Variants in MAP1B observed in about 807,000 individuals in gnomAD.
The protein encoded by MAP1B is microtubule-associated protein 1B.
A neutral mutation model predicts 176.1 loss-of-function variants in MAP1B; 12 were observed. The ratio of observed to expected loss-of-function variants is 0.07; its 90% confidence interval spans 0.04 to 0.11. MAP1B has a LOEUF of 0.11. Among genes scored for constraint, MAP1B ranks in the 10% least tolerant of loss-of-function variants. The pLI is 1.00. For synonymous variants in MAP1B, 1,044 were observed against 1,135.0 expected (o/e 0.92, Z 1.61); for missense variants, 2,523 against 2,990.5 (o/e 0.84, Z 3.65).
intron 2 of MAP1B, among the ~76,000 whole-genome samples, chr5:72,170,179 T>C (rs1746508345): frequency 6.6e-6 from 1 of 152,172 alleles, no homozygotes; most frequent in African/African-American, 2.4e-5. Context: ...TATGGCTCTT[T>C]AAGTTGAATG....
chr5:72,109,574 T>C (rs1012953942), intron 1 of MAP1B, among the ~76,000 whole-genome samples: 2 of 152,168 alleles, frequency 1.3e-5, no homozygotes, highest in African/African-American at 4.8e-5. Flanking sequence ...TTCATAACCA[T>C]TCGATGTGGT....
intron 2 of MAP1B, among the ~76,000 whole-genome samples, chr5:72,177,342 C>T (rs573113432): frequency 6.7e-6 from 1 of 148,622 alleles, no homozygotes; most frequent in South Asian, 2.1e-4. Flanking sequence ...TTCTCTTCCT[C>T]TCTGTTTTTC....
chr5:72,205,269 G>A lies in MAP1B; in HGVS notation c.*30G>A, dbSNP rs752921527. 3.2e-6 allele frequency: 5 copies of A among 1,575,194 alleles called. No homozygotes were observed. Among genetic ancestry groups the A allele is most frequent in the Admixed American group, 4.0e-5 (2 of 50,220 alleles). ...CAAGGCCAGCCACACCACAGGATCTGAACTTTGTTTCCAGAAATTCTTCAA... is the reference window on the plus strand; with the variant it reads ...CAAGGCCAGCCACACCACAGGATCTAAACTTTGTTTCCAGAAATTCTTCAA... On this transcript the variant is annotated 3_prime_UTR_variant, in exon 7 of 7. Coordinates refer to ENST00000296755, the MANE Select transcript of MAP1B (RefSeq NM_005909.5).
At chr5:72,200,433 T>C in intron 5 of MAP1B, 66 bp downstream of exon 5, 1 of 1,548,000 alleles carries the variant, frequency 6.5e-7, no homozygotes, top group Non-Finnish European at 8.7e-7. Context: ...ACAGCCTTTA[T>C]ATTTCCCTGT....
intron 2 of MAP1B, among the ~76,000 whole-genome samples, chr5:72,161,821 G>A (rs569403125): frequency 3.3e-4 from 50 of 152,120 alleles, no homozygotes; most frequent in Admixed American, 2.0e-3. Context: ...GCCAGGCATA[G>A]TAGTGGGCGT....
chr5:72,204,347 T>G lies in MAP1B; in HGVS notation c.7251+546T>G, dbSNP rs149489823. Among the ~76,000 whole-genome samples, 396 of 152,216 alleles carry G rather than the reference T, an allele frequency of 2.6e-3. 1 individual carries two copies. The highest frequency in any genetic ancestry group is 8.9e-3 in the African/African-American group (370 of 41,546). On this transcript the variant is annotated intron_variant, in intron 6 of 6. Transcript: ENST00000296755. The surrounding 1 kb of genome is among the most constrained non-coding windows in gnomAD (Gnocchi z 4.4). ...ATCCCTTATTTATTTAATGACAGGG[T>G]CTCCCTATGTTGCCCAGGCTGGTCT...
chr5:72,138,724 T>C lies in MAP1B; in HGVS notation c.286+22925T>C, dbSNP rs192137902. Among the ~76,000 whole-genome samples, 21 of 152,340 alleles carry C rather than the reference T, an allele frequency of 1.4e-4. No homozygotes were observed. In the East Asian group the frequency reaches 4.0e-3, roughly 29 times the overall value. ...CATATCTTCGAAGAATCTTTACTGA[T>C]GTGTAATGTTGAGTGACAAGGGAAG... On this transcript the variant is annotated intron_variant, in intron 2 of 6. Coordinates refer to ENST00000296755, the MANE Select transcript of MAP1B (RefSeq NM_005909.5).
chr5:72,157,417 ATTAAC>A (rs1250246527), intron 2 of MAP1B, among the ~76,000 whole-genome samples: 22 of 152,196 alleles, frequency 1.4e-4, no homozygotes, highest in African/African-American at 5.1e-4. Context: ...CGTTGCTTTT[ATTAAC>A]TTATTTGAAA....
In MAP1B at chr5:72,199,723, T is replaced by C. The variant is rs146011303; in HGVS notation, c.6368T>C (p.Leu2123Pro). The change falls in exon 5 of 7, where the codon CTC becomes CCC. Residue 2123 changes from leucine (L) to proline (P), a missense_variant. Around this residue, in one of 4 missense-constraint regions of MAP1B, gnomAD observed 1,925 missense variants for 2,126.0 expected, o/e 0.91. Transcript: ENST00000296755. This position sits in a 1 kb window ranked among gnomAD's most constrained non-coding sequence, Gnocchi z 4.2. ...EEPTEESEKPLTQSGGAPPPP... is the reference protein window; with the variant it reads ...EEPTEESEKPPTQSGGAPPPP... ...CCCACTGAAGAATCTGAAAAGCCCC[T>C]CACTCAATCAGGGGGAGCCCCACCG... is the stretch of plus-strand genomic sequence containing the variant. 1.9e-6 allele frequency: 3 copies of C among 1,614,014 alleles called. No homozygotes were observed. Among genetic ancestry groups the C allele is most frequent in the East Asian group, 4.5e-5 (2 of 44,876 alleles).
At chr5:72,119,069 A>G (rs1745480103) in intron 2 of MAP1B, among the ~76,000 whole-genome samples, 1 of 152,204 alleles carries the variant, frequency 6.6e-6, no homozygotes, top group Non-Finnish European at 1.5e-5. Context: ...GACCACTCTG[A>G]AAGACTTAGT....
At chr5:72,193,806 G>T in intron 4 of MAP1B, 60 bp from the exon 5 acceptor site, 1 of 1,491,538 alleles carries the variant, frequency 6.7e-7, no homozygotes. Flanking sequence ...TGGAGATGAT[G>T]GATCAGTGAT....
Position 72,197,310 on chromosome 5 carries a change from G to A in MAP1B, c.3955G>A (p.Glu1319Lys), listed in dbSNP as rs148344575. 323 of 1,614,164 alleles carry A rather than the reference G, an allele frequency of 2.0e-4. 2 individuals carry two copies. In the Admixed American group the frequency reaches 5.3e-3, roughly 26 times the overall value. ...HCASPEDKTL[E>K]VVSPSQSVTG... Reference sequence around the variant, plus strand: ...TGCTAGTCCTGAGGACAAGACTCTGGAAGTGGTGTCACCATCTCAGTCCGT... The same window carrying A: ...TGCTAGTCCTGAGGACAAGACTCTGAAAGTGGTGTCACCATCTCAGTCCGT... The change falls in exon 5 of 7, where the codon GAA becomes AAA. Residue 1319 changes from glutamate to lysine, a missense_variant. By Grantham distance (56) the Glu-to-Lys change is moderately conservative (BLOSUM62 1). Coordinates refer to ENST00000296755, the MANE Select transcript of MAP1B (RefSeq NM_005909.5).
At chr5:72,136,812 G>A (rs1206223225) in intron 2 of MAP1B, among the ~76,000 whole-genome samples, 1 of 152,120 alleles carries the variant, frequency 6.6e-6, no homozygotes, top group Admixed American at 6.5e-5. Flanking sequence ...GGAAAATATT[G>A]TCCAGAGGGT....
At position 72,203,853 on chromosome 5, in the gene MAP1B, C is replaced by A. The variant is rs749532682; in HGVS notation, c.7251+52C>A. On this transcript the variant is annotated intron_variant, in intron 6 of 6. Coordinates refer to ENST00000296755, the MANE Select transcript of MAP1B (RefSeq NM_005909.5). ...CTGCCGATTGAGCTGTGTCCAGAGGCAATGGGAAGGAACCATGTTTAAAGA... is the reference window on the plus strand; with the variant it reads ...CTGCCGATTGAGCTGTGTCCAGAGGAAATGGGAAGGAACCATGTTTAAAGA... The A allele has an allele frequency of 2.6e-6, 4 of 1,543,642 alleles. No homozygotes were observed. In the African/African-American group the frequency reaches 5.4e-5, roughly 21 times the overall value.
chr5:72,154,855 T>C (rs1273698856), intron 2 of MAP1B, among the ~76,000 whole-genome samples: 1 of 152,236 alleles, frequency 6.6e-6, no homozygotes, highest in Non-Finnish European at 1.5e-5. Flanking sequence ...ATCTCTGCAC[T>C]TCTTCAGAGT....
intron 2 of MAP1B, among the ~76,000 whole-genome samples, chr5:72,153,821 C>T (rs1746184641): frequency 6.6e-6 from 1 of 152,088 alleles, no homozygotes; most frequent in Admixed American, 6.5e-5. Flanking sequence ...GTCTCCAGGT[C>T]TCAGCTGTGG....
rs774186949 is a variant in MAP1B at position 72,107,619 on chromosome 5, C to T, written c.88C>T (p.His30Tyr). The T allele has an allele frequency of 1.3e-6, 2 of 1,599,828 alleles. No homozygotes were observed. The highest frequency in any genetic ancestry group is 1.7e-6 in the Non-Finnish European group (2 of 1,179,286). ...GGCGTCCACCTCGCCTAGCCTGTCG[C>T]ACCGCTTCCTTGACAGCAAGTTCTA... ...PAASTSPSLS[H>Y]RFLDSKFYLL... Residue 30 changes from histidine to tyrosine, a missense_variant, in exon 1 of 7, where the codon CAC (histidine) becomes TAC (tyrosine). His to Tyr is a moderately conservative substitution (Grantham distance 83). Transcript: ENST00000296755.
intron 2 of MAP1B, chr5:72,179,690 G>A (rs1268252910): frequency 1.0e-6 from 1 of 985,324 alleles, no homozygotes; most frequent in Non-Finnish European, 1.2e-6. Flanking sequence ...CCAACAGTCT[G>A]GCCGTGACAA....
At chr5:72,126,253 C>A (rs1423151261) in intron 2 of MAP1B, among the ~76,000 whole-genome samples, 1 of 152,120 alleles carries the variant, frequency 6.6e-6, no homozygotes, top group African/African-American at 2.4e-5. Context: ...CCATGGTGCT[C>A]CCTGAAGAGC....
Sources: gnomAD v4.1 joint callset for allele counts (sites outside exome capture counted in the v4.1 genomes callset) on GRCh38, gnomAD v4.1.1 for gene constraint, gnomAD v4.1.1 regional missense constraint, Gnocchi (gnomAD v3.1) non-coding constraint, MANE v1.5 for transcripts, NCBI Gene and HGNC (gene_info 2026-07-23, HGNC 2026-07-21) for gene names.